Variants in AGAP1 observed in about 807,000 individuals in gnomAD.
AGAP1 encodes arf-GAP with GTPase, ANK repeat and PH domain-containing protein 1.
In AGAP1, 29 loss-of-function variants were observed where a neutral mutation model predicts 105.3. The observed-to-expected ratio is 0.28, with a 90% CI of 0.21 to 0.38. The LOEUF is 0.38. Ranked by LOEUF, AGAP1 falls within the 10% of genes least tolerant of loss-of-function variation. The pLI is 1.00. For missense variants in AGAP1, 998 were observed against 1,165.1 expected (o/e 0.86, Z 2.09); for synonymous variants, 509 against 485.9 (o/e 1.05, Z -0.63).
rs2054353446 is a variant in AGAP1 at position 235,965,516 on chromosome 2, GGA to G, written c.1484-2942_1484-2941del. Among the ~76,000 whole-genome samples the G allele has an allele frequency of 6.6e-6, 1 of 152,188 alleles. No individual in the cohort carries two copies. Among genetic ancestry groups the G allele is most frequent in the Admixed American group, 6.5e-5 (1 of 15,288 alleles). On this transcript the variant is annotated intron_variant, in intron 12 of 17. Coordinates refer to ENST00000304032, the MANE Select transcript of AGAP1 (RefSeq NM_001037131.3). This position sits in a 1 kb window ranked among gnomAD's most constrained non-coding sequence, Gnocchi z 5.8. Reference sequence around the variant, plus strand: ...CTCTATCTGGATAGGAACCTTGTCTGGAGAGGTCTGCAGCGGTTTTGAGCAGA... The same window carrying G: ...CTCTATCTGGATAGGAACCTTGTCTGGAGGTCTGCAGCGGTTTTGAGCAGA...
Position 235,900,531 on chromosome 2 carries a change from G to C in AGAP1, c.1156-8207G>C, listed in dbSNP as rs532558912. On this transcript the variant is annotated intron_variant, in intron 10 of 17. Transcript: ENST00000304032. This position sits in a 1 kb window ranked among gnomAD's most constrained non-coding sequence, Gnocchi z 5.5. The stretch of plus-strand genomic sequence containing the variant: ...GGTGCCACTTCCATTTCTGCCCCTT[G>C]ATTCCTGGACCTGTGAATCCTGGCA... Among the ~76,000 whole-genome samples the C allele has an allele frequency of 1.3e-5, 2 of 152,194 alleles. No homozygotes were observed. Among genetic ancestry groups the C allele is most frequent in the Admixed American group, 1.3e-4 (2 of 15,280 alleles).
At chr2:235,643,020 A>G (rs968102765) in intron 1 of AGAP1, among the ~76,000 whole-genome samples, 7 of 152,050 alleles carry the variant, frequency 4.6e-5, no homozygotes, top group East Asian at 3.9e-4. Context: ...TCTTGGGAGG[A>G]GAAAATACAC....
At position 235,970,432 on chromosome 2, in the gene AGAP1, C is replaced by A. The variant is rs1235797529; in HGVS notation, c.1645+1809C>A. On this transcript the variant is annotated intron_variant, in intron 13 of 17. Transcript: ENST00000304032. This position sits in a 1 kb window ranked among gnomAD's most constrained non-coding sequence, Gnocchi z 5.4. ...ACCCTGCCAAGCACGTGCAGCCACC[C>A]CTCCCTGATTGGGAAGAAGGTTAGC... Among the ~76,000 whole-genome samples the A allele has an allele frequency of 6.6e-6, 1 of 152,102 alleles. No homozygotes were observed. Among genetic ancestry groups the A allele is most frequent in the Admixed American group, 6.5e-5 (1 of 15,290 alleles).
Position 235,724,602 on chromosome 2 carries a change from C to T in AGAP1, c.310+6958C>T, listed in dbSNP as rs1009777809. On this transcript the variant is annotated intron_variant, in intron 3 of 17. Coordinates refer to ENST00000304032, the MANE Select transcript of AGAP1 (RefSeq NM_001037131.3). The surrounding 1 kb of genome is among the most constrained non-coding windows in gnomAD (Gnocchi z 4.9). Reference sequence around the variant, plus strand: ...GCGGTGGTGGGGGGAGGGGGAGTTCCCTATGTAAAGAAGAGTCCAAAACAG... The same window carrying T: ...GCGGTGGTGGGGGGAGGGGGAGTTCTCTATGTAAAGAAGAGTCCAAAACAG... 1.3e-5 allele frequency among the ~76,000 whole-genome samples: 2 copies of T among 151,930 alleles called. No individual in the cohort carries two copies. Among genetic ancestry groups the T allele is most frequent in the Non-Finnish European group, 2.9e-5 (2 of 67,992 alleles).
At chr2:235,937,197 G>A (rs1174426984) in intron 12 of AGAP1, among the ~76,000 whole-genome samples, 2 of 152,092 alleles carry the variant, frequency 1.3e-5, no homozygotes, top group Non-Finnish European at 2.9e-5. Flanking sequence ...CTCAAAGCTG[G>A]GCACTCCCTG....
At position 235,659,278 on chromosome 2, in the gene AGAP1, C is replaced by T. The variant is rs80351478; in HGVS notation, c.164-49901C>T. Among the ~76,000 whole-genome samples, 5,308 of 152,208 alleles carry T rather than the reference C, an allele frequency of 0.035. 119 individuals are homozygous for T. The highest frequency in any genetic ancestry group is 0.054 in the Non-Finnish European group (3,685 of 68,006). On this transcript the variant is annotated intron_variant, in intron 1 of 17. Coordinates refer to ENST00000304032, the MANE Select transcript of AGAP1 (RefSeq NM_001037131.3). This position sits in a 1 kb window ranked among gnomAD's most constrained non-coding sequence, Gnocchi z 5.0. Reference sequence around the variant, plus strand: ...TTATGTCTTTCTATGTCTGTAAAATCGGGATAATAATAGTACCTACCTCTC... The same window carrying T: ...TTATGTCTTTCTATGTCTGTAAAATTGGGATAATAATAGTACCTACCTCTC...
At chr2:235,532,043 G>A (rs1424491349) in intron 1 of AGAP1, among the ~76,000 whole-genome samples, 1 of 152,184 alleles carries the variant, frequency 6.6e-6, no homozygotes, top group Admixed American at 6.5e-5. Context: ...AAAAAGTAGA[G>A]TTGATCACAA....
At chr2:235,861,261 A>T (rs1414619978) in intron 9 of AGAP1, among the ~76,000 whole-genome samples, 1 of 152,160 alleles carries the variant, frequency 6.6e-6, no homozygotes, top group South Asian at 2.1e-4. Context: ...ACATCACTTC[A>T]TCCTCTTCTT....
At chr2:235,840,599 G>A (rs1960709136) in intron 9 of AGAP1, among the ~76,000 whole-genome samples, 1 of 152,164 alleles carries the variant, frequency 6.6e-6, no homozygotes, top group Middle Eastern at 3.2e-3. Context: ...AGGAGCCCAG[G>A]CAGGAGGTGG....
intron 9 of AGAP1, among the ~76,000 whole-genome samples, chr2:235,847,391 C>G (rs915952148): frequency 6.6e-6 from 1 of 152,096 alleles, no homozygotes; most frequent in African/African-American, 2.4e-5. Context: ...AAAAATGATT[C>G]ACAATGAAAA....
chr2:235,794,075 CCAGG>C (rs1330463296), intron 6 of AGAP1, among the ~76,000 whole-genome samples: 1 of 152,090 alleles, frequency 6.6e-6, no homozygotes, highest in East Asian at 1.9e-4. Context: ...GTGTCCTGTC[CCAGG>C]CACCTGCCTG....
In AGAP1 at chr2:235,620,755, GC is replaced by G. The variant is rs1273772000; in HGVS notation, c.164-88422del. ...TTCCCCAGCACCTAGACAGGACCTA[GC>G]CAATGCTAGGCCCTTTGTCGATGTT... On this transcript the variant is annotated intron_variant, in intron 1 of 17. Coordinates refer to ENST00000304032, the MANE Select transcript of AGAP1 (RefSeq NM_001037131.3). The surrounding 1 kb of genome is among the most constrained non-coding windows in gnomAD (Gnocchi z 4.5). 2.0e-5 allele frequency among the ~76,000 whole-genome samples: 3 copies of G among 152,226 alleles called. No individual in the cohort carries two copies. Among genetic ancestry groups the G allele is most frequent in the African/African-American group, 4.8e-5 (2 of 41,458 alleles).
rs2054626110 is a variant in AGAP1, at chr2:235,971,180, A to G, written c.1645+2557A>G. On this transcript the variant is annotated intron_variant, in intron 13 of 17. Coordinates refer to ENST00000304032, the MANE Select transcript of AGAP1 (RefSeq NM_001037131.3). The surrounding 1 kb of genome is among the most constrained non-coding windows in gnomAD (Gnocchi z 4.8). Reference sequence around the variant, plus strand: ...AATAAGTCATAAGTTATTTATAAAAAGAAAATGTATCATTTTTCCCTAGGA... The same window carrying G: ...AATAAGTCATAAGTTATTTATAAAAGGAAAATGTATCATTTTTCCCTAGGA... Among the ~76,000 whole-genome samples, 1 of 152,238 alleles carries G rather than the reference A, an allele frequency of 6.6e-6. No homozygotes were observed. Among genetic ancestry groups the G allele is most frequent in the African/African-American group, 2.4e-5 (1 of 41,458 alleles).
At position 236,062,290 on chromosome 2, in the gene AGAP1, C is replaced by T. The variant is rs1432024839; in HGVS notation, c.2114+13009C>T. 6.6e-6 allele frequency among the ~76,000 whole-genome samples: 1 copy of T among 152,074 alleles called. No homozygotes were observed. On this transcript the variant is annotated intron_variant, in intron 16 of 17. Coordinates refer to ENST00000304032, the MANE Select transcript of AGAP1 (RefSeq NM_001037131.3). The surrounding 1 kb of genome is among the most constrained non-coding windows in gnomAD (Gnocchi z 4.2). The stretch of plus-strand genomic sequence containing the variant: ...TTTTCCTGGGCTAGGAAACTCAGGC[C>T]TGTGTCTCCCTGAGCCTGTGAATGC...
chr2:235,818,446 G>T (rs763668072), intron 9 of AGAP1, among the ~76,000 whole-genome samples: 22 of 149,854 alleles, frequency 1.5e-4, no homozygotes, highest in African/African-American at 2.0e-4. Flanking sequence ...TCTTTTTTTT[G>T]TTTGTTTGTT....
chr2:235,952,506 T>C (rs151217213), intron 12 of AGAP1, among the ~76,000 whole-genome samples: 2 of 152,310 alleles, frequency 1.3e-5, no homozygotes, highest in African/African-American at 4.8e-5. Context: ...TAGACAAATA[T>C]ATGTTGAGTG....
In AGAP1 at chr2:235,655,803, G is replaced by A. The variant is rs909996845; in HGVS notation, c.164-53376G>A. Among the ~76,000 whole-genome samples, 2 of 152,202 alleles carry A rather than the reference G, an allele frequency of 1.3e-5. No individual in the cohort carries two copies. Among genetic ancestry groups the A allele is most frequent in the African/African-American group, 4.8e-5 (2 of 41,450 alleles). The stretch of plus-strand genomic sequence containing the variant: ...AAAAGCATGATTTATTCAGGATTAA[G>A]TTTATTCAGTAGAAATTTCCAAGGT... On this transcript the variant is annotated intron_variant, in intron 1 of 17. Transcript: ENST00000304032. The surrounding 1 kb of genome is among the most constrained non-coding windows in gnomAD (Gnocchi z 4.3).
At chr2:235,646,587 T>C (rs1947395075) in intron 1 of AGAP1, among the ~76,000 whole-genome samples, 1 of 152,208 alleles carries the variant, frequency 6.6e-6, no homozygotes, top group Non-Finnish European at 1.5e-5. Flanking sequence ...CATGACATGC[T>C]TGCTTTTCCT....
At chr2:235,617,675 C>T (rs1946350268) in intron 1 of AGAP1, among the ~76,000 whole-genome samples, 1 of 152,216 alleles carries the variant, frequency 6.6e-6, no homozygotes, top group Admixed American at 6.5e-5. Flanking sequence ...GCACTCCAGC[C>T]TTGGCGACAG....
Sources: allele counts gnomAD v4.1 joint callset (sites outside exome capture counted in the v4.1 genomes callset), GRCh38; gene constraint gnomAD v4.1.1; non-coding constraint Gnocchi (gnomAD v3.1); transcripts MANE v1.5; gene names NCBI Gene and HGNC (gene_info 2026-07-23, HGNC 2026-07-21).